The following ASTN2 variants were observed in gnomAD, a reference collection of about 807,000 sequenced individuals.
The protein encoded by ASTN2 is astrotactin 2, also known as astrotactin-2.
ASTN2 carries 54 observed loss-of-function variants against 139.8 expected under a neutral mutation model. That is an observed-to-expected ratio of 0.39 (90% confidence interval 0.31 to 0.48). The LOEUF is 0.48. Ranked by LOEUF, ASTN2 falls within the 20% of genes least tolerant of loss-of-function variation. The pLI is 0.95. For synonymous variants in ASTN2, 756 were observed against 719.5 expected, an observed-to-expected ratio of 1.05 and a Z score of -0.81; for missense variants, 1,565 against 1,725.1, an observed-to-expected ratio of 0.91 and a Z score of 1.64.
At chr9:116,948,001 C>A (rs1835446070) in intron 10 of ASTN2, among the ~76,000 whole-genome samples, 1 of 152,222 alleles carries the variant, frequency 6.6e-6, no homozygotes, top group Non-Finnish European at 1.5e-5. Context: ...TTTTGACCAG[C>A]AACCCTTTTC....
chr9:117,162,447 G>T (rs1049834909), intron 3 of ASTN2, among the ~76,000 whole-genome samples: 2 of 151,990 alleles, frequency 1.3e-5, no homozygotes, highest in Admixed American at 6.6e-5. Flanking sequence ...GTAGGCATTC[G>T]CTTATATGCC....
intron 2 of ASTN2, among the ~76,000 whole-genome samples, chr9:117,262,670 AC>A (rs1282448426): frequency 6.6e-6 from 1 of 152,090 alleles, no homozygotes; most frequent in Non-Finnish European, 1.5e-5. Context: ...TATACTCAGA[AC>A]CTGTGAATAT....
chr9:117,190,947 T>C (rs957361996), intron 3 of ASTN2, among the ~76,000 whole-genome samples: 2 of 152,196 alleles, frequency 1.3e-5, no homozygotes, highest in Non-Finnish European at 2.9e-5. Flanking sequence ...TATTGCTTTA[T>C]CTTCAGTGCC....
intron 16 of ASTN2, among the ~76,000 whole-genome samples, chr9:116,725,137 G>A (rs1452825408): frequency 1.3e-5 from 2 of 152,234 alleles, no homozygotes; most frequent in African/African-American, 4.8e-5. Context: ...CACAGGAAGA[G>A]AAAATTGAGG....
chr9:117,287,865 TTCCACTCTTTTC>T (rs1190101669), intron 2 of ASTN2, among the ~76,000 whole-genome samples: 4 of 152,236 alleles, frequency 2.6e-5, no homozygotes, highest in Non-Finnish European at 5.9e-5. Flanking sequence ...TGTATGTTTT[TTCCACTCTTTTC>T]TCCACTCTTT....
intron 22 of ASTN2, among the ~76,000 whole-genome samples, chr9:116,429,339 GA>G (rs34731241): frequency 1.1e-4 from 10 of 90,850 alleles, no homozygotes; most frequent in Middle Eastern, 8.9e-3. Context: ...AACTCTATCT[GA>G]AAAAAAAAAA....
At chr9:116,593,184 G>A (rs927910085) in intron 19 of ASTN2, among the ~76,000 whole-genome samples, 6 of 152,196 alleles carry the variant, frequency 3.9e-5, no homozygotes, top group Non-Finnish European at 2.9e-5. Flanking sequence ...AGCAGTGCCT[G>A]AACCCCAGAC....
chr9:116,532,903 C>T (rs1253054170), intron 19 of ASTN2, among the ~76,000 whole-genome samples: 1 of 152,142 alleles, frequency 6.6e-6, no homozygotes, highest in African/African-American at 2.4e-5. Context: ...TGAAGAAAGT[C>T]ATTGGTAGCT....
At chr9:116,462,220 T>C (rs1848508950) in intron 20 of ASTN2, among the ~76,000 whole-genome samples, 1 of 152,186 alleles carries the variant, frequency 6.6e-6, no homozygotes, top group Admixed American at 6.5e-5. Flanking sequence ...GAAGCACATA[T>C]AATGTGCTAG....
chr9:116,939,595 A>G, intron 10 of ASTN2, among the ~76,000 whole-genome samples: 1 of 152,278 alleles, frequency 6.6e-6, no homozygotes, highest in Admixed American at 6.5e-5. Flanking sequence ...AAATAAAATC[A>G]TTTGTGTCAT....
chr9:116,770,327 C>A (rs929460281), intron 13 of ASTN2, among the ~76,000 whole-genome samples: 2 of 152,102 alleles, frequency 1.3e-5, no homozygotes, highest in African/African-American at 4.8e-5. Context: ...GGGTCTATAC[C>A]AGACCAGTCC....
intron 13 of ASTN2, among the ~76,000 whole-genome samples, chr9:116,774,453 A>G (rs890717941): frequency 6.6e-6 from 1 of 152,194 alleles, no homozygotes; most frequent in Admixed American, 6.5e-5. Context: ...TAATAATAAT[A>G]GCACCCAACA....
chr9:116,595,331 G>A (rs1042460049), intron 19 of ASTN2, among the ~76,000 whole-genome samples: 11 of 96,708 alleles, frequency 1.1e-4, no homozygotes, highest in Non-Finnish European at 2.3e-4. Flanking sequence ...TCTTGTTGTT[G>A]CTGTTGTTGT....
chr9:117,266,537 G>A (rs1833942350), intron 2 of ASTN2, among the ~76,000 whole-genome samples: 1 of 152,134 alleles, frequency 6.6e-6, no homozygotes, highest in Non-Finnish European at 1.5e-5. Flanking sequence ...CAACTTGAAA[G>A]TCCCCATCTC....
At chr9:117,258,484 G>A (rs1032009921) in intron 2 of ASTN2, among the ~76,000 whole-genome samples, 4 of 152,274 alleles carry the variant, frequency 2.6e-5, no homozygotes, top group African/African-American at 9.6e-5. Context: ...TGCAGCAAAG[G>A]AGGTGGATAA....
At chr9:117,278,469 A>C (rs1487649935) in intron 2 of ASTN2, among the ~76,000 whole-genome samples, 3 of 152,198 alleles carry the variant, frequency 2.0e-5, no homozygotes, top group Non-Finnish European at 2.9e-5. Flanking sequence ...AAAATTCAGC[A>C]CAAAGGAGGT....
chr9:117,336,809 A>C (rs1828899179), intron 1 of ASTN2, among the ~76,000 whole-genome samples: 2 of 152,122 alleles, frequency 1.3e-5, no homozygotes, highest in South Asian at 4.1e-4. Context: ...TTTCAGGTTC[A>C]TGTCAGTCTA....
intron 1 of ASTN2, among the ~76,000 whole-genome samples, chr9:117,292,548 G>T (rs1261814218): frequency 6.6e-6 from 1 of 152,158 alleles, no homozygotes; most frequent in Non-Finnish European, 1.5e-5. Context: ...ATTCAAGGGA[G>T]ACAAACAGGA....
At chr9:117,185,184 T>C (rs1831166545) in intron 3 of ASTN2, among the ~76,000 whole-genome samples, 1 of 152,232 alleles carries the variant, frequency 6.6e-6, no homozygotes, top group Admixed American at 6.5e-5. Context: ...AAAAGTTGTT[T>C]AAATCCTCTT....
Sources: gnomAD v4.1 joint callset for allele counts (sites outside exome capture counted in the v4.1 genomes callset) on GRCh38, gnomAD v4.1.1 for gene constraint, MANE v1.5 for transcripts, NCBI Gene and HGNC (gene_info 2026-07-23, HGNC 2026-07-21) for gene names.